The following KATNIP variants were observed in gnomAD, a reference collection of about 807,000 sequenced individuals.
KATNIP encodes the protein katanin interacting protein, also known as katanin-interacting protein.
Under a neutral mutation model 174.0 loss-of-function variants are expected in KATNIP, and 126 were observed. That is an observed-to-expected ratio of 0.72 (90% CI 0.63 to 0.84). KATNIP has a LOEUF of 0.84. KATNIP is among the 40% of genes least tolerant of loss of function. The pLI is 0.00. For synonymous variants in KATNIP, 810 were observed against 835.7 expected (o/e 0.97, Z 0.53); for missense variants, 1,958 against 2,109.7 (o/e 0.93, Z 1.41).
chr16:27,771,736 C>T lies in KATNIP; in HGVS notation c.4198+84C>T, dbSNP rs553925684. 44 of 1,430,696 alleles carry T rather than the reference C, an allele frequency of 3.1e-5. No homozygotes were observed. In the African/African-American group the frequency reaches 3.5e-4, roughly 11 times the overall value. 88.6% of individuals were successfully genotyped at this position (1,430,696 alleles called of 1,614,324 possible). ...GCAACTGCCCAGCCAGGGTTTCAGGCGGCCACAGATGAGGCAGCTGGAACT... is the reference window on the plus strand; with the variant it reads ...GCAACTGCCCAGCCAGGGTTTCAGGTGGCCACAGATGAGGCAGCTGGAACT... On this transcript the variant is annotated intron_variant, in intron 22 of 27. Transcript: ENST00000261588.
intron 2 of KATNIP, among the ~76,000 whole-genome samples, chr16:27,603,528 G>A (rs2075602609): frequency 6.6e-6 from 1 of 152,046 alleles, no homozygotes; most frequent in African/African-American, 2.4e-5. Context: ...CCCTCTCGGA[G>A]CCCTGAGCCC....
rs139183766 is a variant in KATNIP at position 27,655,050 on chromosome 16, G to A, written c.540+6315G>A. 6.6e-3 allele frequency among the ~76,000 whole-genome samples: 996 copies of A among 151,496 alleles called. 15 individuals are homozygous for A. Among genetic ancestry groups the A allele is most frequent in the African/African-American group, 0.023 (958 of 41,322 alleles). On this transcript the variant is annotated intron_variant, in intron 6 of 27. Transcript: ENST00000261588. ...AAACTGAGGCCGGAGGATCACTTGA[G>A]TCCAGGAATTCAAGGTTGCAGTGAG...
chr16:27,561,437 T>C (rs2089879945), intron 1 of KATNIP, among the ~76,000 whole-genome samples: 1 of 152,148 alleles, frequency 6.6e-6, no homozygotes, highest in African/African-American at 2.4e-5. Context: ...TGCTCTCCCA[T>C]TAGCATTCCT....
chr16:27,650,164 CTG>C (rs2077075292), intron 6 of KATNIP, among the ~76,000 whole-genome samples: 1 of 100,356 alleles, frequency 1.0e-5, no homozygotes, highest in Non-Finnish European at 2.1e-5. Flanking sequence ...CAGAGTGAAA[CTG>C]TGTCTAAAAA....
chr16:27,628,841 G>A lies in KATNIP; in HGVS notation c.310+11G>A. The A allele has an allele frequency of 6.2e-7, 1 of 1,613,534 alleles. No individual in the cohort carries two copies. The highest frequency in any genetic ancestry group is 8.5e-7 in the Non-Finnish European group (1 of 1,179,754). On this transcript the variant is annotated intron_variant, in intron 4 of 27. Transcript: ENST00000261588. ...CGGAGGGGACACACGGTGAGCACAG[G>A]CCCTCCAGGCTGAGTCTCAGCTCTG...
chr16:27,575,846 C>T (rs921918181), intron 2 of KATNIP, among the ~76,000 whole-genome samples: 16 of 152,190 alleles, frequency 1.1e-4, no homozygotes, highest in Non-Finnish European at 4.4e-5. Flanking sequence ...ATCTAAGTGT[C>T]GCCCAAGTGG....
Position 27,698,433 on chromosome 16 carries a change from T to C in KATNIP, c.1046T>C (p.Val349Ala), listed in dbSNP as rs146475680. ...TCTGCTGTGCTCCAAGCCATCCAGG[T>C]GGAGAACGCAGCCCTGCAGAGGGCG... is the stretch of plus-strand genomic sequence containing the variant. ...DASAVLQAIQ[V>A]ENAALQRALL... The change falls in exon 9 of 28, where the codon GTG becomes GCG. Residue 349 changes from valine (V) to alanine (A), a missense_variant. Physicochemically the swap from Val to Ala is moderately conservative, Grantham distance 64. Transcript: ENST00000261588. 1.6e-4 allele frequency: 261 copies of C among 1,613,500 alleles called. No homozygotes were observed. The Middle Eastern group carries it at 2.8e-3, about 17-fold the overall frequency.
intron 3 of KATNIP, among the ~76,000 whole-genome samples, chr16:27,620,838 A>T (rs544829801): frequency 6.6e-6 from 1 of 152,348 alleles, no homozygotes; most frequent in East Asian, 1.9e-4. Context: ...TTCATTTAGC[A>T]GGATTTCACT....
At position 27,749,684 on chromosome 16, in the gene KATNIP, C is replaced by G; in HGVS notation, c.2724C>G (p.Arg908=). The G allele has an allele frequency of 6.2e-7, 1 of 1,613,228 alleles. No individual in the cohort carries two copies. The highest frequency in any genetic ancestry group is 1.3e-5 in the African/African-American group (1 of 75,062). The change falls in exon 16 of 28, where the codon CGC becomes CGG. Residue 908 remains arginine (R), a synonymous_variant. Transcript: ENST00000261588. The part of the protein sequence containing the change: ...ESWSSLSAFD[R]SHRGRISNTE... ...GGAGCTCCCTCAGTGCCTTCGACCG[C>G]TCCCACCGGGGACGCATCTCCAACA...
chr16:27,641,345 C>G (rs1184525512), intron 5 of KATNIP, among the ~76,000 whole-genome samples: 1 of 152,082 alleles, frequency 6.6e-6, no homozygotes, highest in African/African-American at 2.4e-5. Flanking sequence ...CATGTGGTAC[C>G]AAGACAAGCC....
chr16:27,618,697 C>T (rs1319741027), intron 3 of KATNIP, among the ~76,000 whole-genome samples, 196 bp downstream of exon 3: 38 of 152,150 alleles, frequency 2.5e-4, no homozygotes, highest in Non-Finnish European at 7.4e-5. Context: ...TTTGACTGAG[C>T]TGTAGCAAAC....
At position 27,775,074 on chromosome 16, in the gene KATNIP, T is replaced by C; in HGVS notation, c.4439T>C (p.Leu1480Pro). 1 of 1,611,692 alleles carries C rather than the reference T, an allele frequency of 6.2e-7. No individual in the cohort carries two copies. Among genetic ancestry groups the C allele is most frequent in the Middle Eastern group, 1.7e-4 (1 of 6,056 alleles). ...CGGCACATGTGGCTGGCTCCCATCCTGCCGGGCCTGGTGGGTTCCCGGCAG... is the reference window on the plus strand; with the variant it reads ...CGGCACATGTGGCTGGCTCCCATCCCGCCGGGCCTGGTGGGTTCCCGGCAG... ...DGRHMWLAPI[L>P]PGLVNRVYVI... Residue 1480 changes from leucine (L) to proline (P), a missense_variant, in exon 24 of 28, where the codon CTG becomes CCG. Leu to Pro is a moderately conservative substitution (Grantham distance 98). Transcript: ENST00000261588.
chr16:27,638,953 C>G (rs1276218922), intron 5 of KATNIP, among the ~76,000 whole-genome samples: 4 of 150,592 alleles, frequency 2.7e-5, no homozygotes, highest in African/African-American at 9.8e-5. Flanking sequence ...GATTAACAGA[C>G]GTGAGCCACT....
At chr16:27,731,994 CAT>C (rs2080710086) in intron 14 of KATNIP, among the ~76,000 whole-genome samples, 2 of 152,218 alleles carry the variant, frequency 1.3e-5, no homozygotes, top group African/African-American at 4.8e-5. Flanking sequence ...CATTACTCCA[CAT>C]GTTAGCGCCG....
chr16:27,556,201 G>A (rs1368671044), intron 1 of KATNIP, among the ~76,000 whole-genome samples: 1 of 152,062 alleles, frequency 6.6e-6, no homozygotes, highest in Admixed American at 6.6e-5. Flanking sequence ...ATTCCACACA[G>A]TTGACAGAAG....
intron 14 of KATNIP, among the ~76,000 whole-genome samples, chr16:27,738,597 G>A (rs934730348): frequency 2.0e-5 from 3 of 152,190 alleles, no homozygotes; most frequent in Non-Finnish European, 4.4e-5. Context: ...GGAGAGCGAG[G>A]TGGGGACCAT....
chr16:27,697,399 A>G (rs1182576241), intron 8 of KATNIP, among the ~76,000 whole-genome samples: 1 of 151,918 alleles, frequency 6.6e-6, no homozygotes, highest in Non-Finnish European at 1.5e-5. Context: ...GCTTTTCTCT[A>G]ATGATTAGTG....
intron 1 of KATNIP, among the ~76,000 whole-genome samples, chr16:27,572,472 T>TTACCC (rs1178362624): frequency 5.9e-5 from 9 of 152,120 alleles, no homozygotes; most frequent in Admixed American, 2.6e-4. Context: ...CCTCTGTTAG[T>TTACCC]CTACCCCAAG....
In KATNIP at chr16:27,780,114, ACC is replaced by A. The variant is rs1156673887; in HGVS notation, c.*1487_*1488del. 6.6e-6 allele frequency: 1 copy of A among 152,092 alleles called. No homozygotes were observed. The highest frequency in any genetic ancestry group is 1.5e-5 in the Non-Finnish European group (1 of 68,038). 9.4% of individuals were successfully genotyped at this position (152,092 alleles called of 1,614,324 possible). ...GGGGTTGATCAAACCAGCTCTTGTGACCCAAACCAGTGCCGCTGCATTAAAGG... is the reference window on the plus strand; with the variant it reads ...GGGGTTGATCAAACCAGCTCTTGTGACAAACCAGTGCCGCTGCATTAAAGG... On this transcript the variant is annotated 3_prime_UTR_variant, in exon 28 of 28. Coordinates refer to ENST00000261588, the MANE Select transcript of KATNIP (RefSeq NM_015202.5).
Sources: gnomAD v4.1 joint callset for allele counts (sites outside exome capture counted in the v4.1 genomes callset) on GRCh38, gnomAD v4.1.1 for gene constraint, MANE v1.5 for transcripts, NCBI Gene and HGNC (gene_info 2026-07-23, HGNC 2026-07-21) for gene names.